The following PRKG1 variants were observed in gnomAD, a reference collection of about 807,000 sequenced individuals.
The protein encoded by PRKG1 is cGMP-dependent protein kinase 1.
A neutral mutation model predicts 88.1 loss-of-function variants in PRKG1; 35 were observed. The ratio of observed to expected loss-of-function variants is 0.40; its 90% CI spans 0.30 to 0.53. The LOEUF (loss-of-function observed/expected upper bound fraction) is 0.53, where lower values mean the gene tolerates loss of function less well. Ranked by LOEUF, PRKG1 falls within the 20% of genes least tolerant of loss-of-function variation. The probability of loss-of-function intolerance (pLI) is 0.59; values close to 1 mark genes in which losing one functional copy is unlikely to be tolerated. For missense variants in PRKG1, 540 were observed against 839.8 expected (o/e 0.64, Z 4.41); for synonymous variants, 303 against 292.5 (o/e 1.04, Z -0.37).
chr10:51,297,818 G>A (rs1283326382), intron 2 of PRKG1, among the ~76,000 whole-genome samples: 3 of 152,024 alleles, frequency 2.0e-5, no homozygotes, highest in Non-Finnish European at 4.4e-5. Context: ...ATGAAATCAT[G>A]ATGATAATGA....
At chr10:51,249,431 A>C (rs1214509709) in intron 2 of PRKG1, among the ~76,000 whole-genome samples, 1 of 151,820 alleles carries the variant, frequency 6.6e-6, no homozygotes, top group Non-Finnish European at 1.5e-5. Flanking sequence ...AAATCTGGAA[A>C]CTGTCATTTC....
intron 7 of PRKG1, among the ~76,000 whole-genome samples, chr10:52,082,528 G>C (rs1275974191): frequency 6.6e-6 from 1 of 152,132 alleles, no homozygotes; most frequent in Admixed American, 6.6e-5. Context: ...ATTGGAAAGA[G>C]ATGCAAATTG....
chr10:52,038,583 C>G (rs1039238919), intron 5 of PRKG1, among the ~76,000 whole-genome samples: 1 of 151,904 alleles, frequency 6.6e-6, no homozygotes, highest in African/African-American at 2.4e-5. Context: ...GGTACTTGCC[C>G]CTCCCCCAGA....
chr10:52,202,313 TCG>T (rs1278729575), intron 9 of PRKG1, among the ~76,000 whole-genome samples: 4 of 152,232 alleles, frequency 2.6e-5, no homozygotes, highest in African/African-American at 9.6e-5. Flanking sequence ...CTTATGGTTT[TCG>T]TTTTTAATTC....
At chr10:51,839,664 G>A (rs767033458) in intron 4 of PRKG1, among the ~76,000 whole-genome samples, 7 of 152,250 alleles carry the variant, frequency 4.6e-5, no homozygotes, top group East Asian at 1.9e-4. Context: ...CTCGATAATC[G>A]TAGTGGTTTA....
intron 3 of PRKG1, among the ~76,000 whole-genome samples, chr10:51,530,269 T>TA (rs1841985844): frequency 6.6e-6 from 1 of 152,242 alleles, no homozygotes; most frequent in African/African-American, 2.4e-5. Flanking sequence ...ATTTTCCTGG[T>TA]ATCTAAACAA....
At chr10:51,778,740 A>G (rs903167118) in intron 3 of PRKG1, among the ~76,000 whole-genome samples, 1 of 152,104 alleles carries the variant, frequency 6.6e-6, no homozygotes, top group Non-Finnish European at 1.5e-5. Context: ...TATGATATTT[A>G]CCTGTGGGAA....
chr10:51,621,301 A>G (rs932021432), intron 3 of PRKG1, among the ~76,000 whole-genome samples: 2 of 142,568 alleles, frequency 1.4e-5, no homozygotes, highest in Non-Finnish European at 3.1e-5. Flanking sequence ...AACAGTTCTC[A>G]AATTTCTTAG....
chr10:51,923,466 C>T (rs1212697980), intron 5 of PRKG1, among the ~76,000 whole-genome samples: 1 of 149,918 alleles, frequency 6.7e-6, no homozygotes, highest in African/African-American at 2.4e-5. Context: ...GATTATTTTA[C>T]TATATATTAT....
At chr10:51,156,204 A>G (rs1013611044) in intron 2 of PRKG1, among the ~76,000 whole-genome samples, 2 of 151,588 alleles carry the variant, frequency 1.3e-5, no homozygotes, top group African/African-American at 4.8e-5. Flanking sequence ...TGTGAAGTTA[A>G]CAATACTTAA....
intron 5 of PRKG1, among the ~76,000 whole-genome samples, chr10:51,987,944 C>G (rs558053919): frequency 2.7e-4 from 41 of 152,184 alleles, no homozygotes; most frequent in African/African-American, 8.9e-4. Flanking sequence ...ATACCTCACA[C>G]TCAAATTTAA....
chr10:52,073,729 C>A (rs1462628380), intron 7 of PRKG1, among the ~76,000 whole-genome samples: 1 of 151,966 alleles, frequency 6.6e-6, no homozygotes, highest in South Asian at 2.1e-4. Flanking sequence ...ATTATATGGA[C>A]CTTAATTAAA....
At chr10:51,548,684 CTTT>C (rs1353614614) in intron 3 of PRKG1, among the ~76,000 whole-genome samples, 1 of 152,020 alleles carries the variant, frequency 6.6e-6, no homozygotes, top group Non-Finnish European at 1.5e-5. Context: ...TTTGTGTTCT[CTTT>C]TATATTTATG....
At chr10:52,129,462 A>C (rs753124447) in intron 7 of PRKG1, among the ~76,000 whole-genome samples, 39 of 152,132 alleles carry the variant, frequency 2.6e-4, no homozygotes, top group Non-Finnish European at 5.4e-4. Context: ...GTCATATACT[A>C]ATGTCAAGGA....
At chr10:51,636,025 A>C (rs1489994797) in intron 3 of PRKG1, among the ~76,000 whole-genome samples, 2 of 152,214 alleles carry the variant, frequency 1.3e-5, no homozygotes, top group African/African-American at 4.8e-5. Flanking sequence ...CTATGGTAGC[A>C]CTTAACATTT....
chr10:51,262,703 CT>C (rs2132162090), intron 2 of PRKG1, among the ~76,000 whole-genome samples: 2 of 152,250 alleles, frequency 1.3e-5, no homozygotes, highest in East Asian at 3.9e-4. Flanking sequence ...CCTCCGGAAA[CT>C]TACGATCATG....
At chr10:51,650,466 G>A (rs1371190637) in intron 3 of PRKG1, among the ~76,000 whole-genome samples, 1 of 152,020 alleles carries the variant, frequency 6.6e-6, no homozygotes, top group African/African-American at 2.4e-5. Flanking sequence ...AAATTAATTA[G>A]CAACGCTAAA....
intron 3 of PRKG1, among the ~76,000 whole-genome samples, chr10:51,787,412 A>C (rs987305341): frequency 2.0e-5 from 3 of 152,086 alleles, no homozygotes; most frequent in African/African-American, 7.2e-5. Flanking sequence ...TCTAAGCAAC[A>C]ATGTAACTTA....
In PRKG1 at chr10:51,074,798, G is replaced by A. The variant is rs1373927879; in HGVS notation, c.208G>A (p.Gly70Ser). Residue 70 changes from glycine (G) to serine (S), a missense_variant, in exon 1 of 18, where the codon GGC becomes AGC. Physicochemically the swap from Gly to Ser is moderately conservative, Grantham distance 56. Coordinates refer to ENST00000373980, the MANE Select transcript of PRKG1 (RefSeq NM_006258.4). ...GAAGCAGAGCGCGAGCACCTTGCAGGGCGAGCCGCGCACCAAGCGGCAGGC... is the reference window on the plus strand; with the variant it reads ...GAAGCAGAGCGCGAGCACCTTGCAGAGCGAGCCGCGCACCAAGCGGCAGGC... ...AQKQSASTLQGEPRTKRQAIS... is the reference protein window; with the variant it reads ...AQKQSASTLQSEPRTKRQAIS... The A allele has an allele frequency of 6.2e-7, 1 of 1,613,904 alleles. No individual in the cohort carries two copies.
Sources: allele counts gnomAD v4.1 joint callset (sites outside exome capture counted in the v4.1 genomes callset), GRCh38; gene constraint gnomAD v4.1.1; transcripts MANE v1.5; gene names NCBI Gene and HGNC (gene_info 2026-07-23, HGNC 2026-07-21).